The following MAN1C1 variants were observed in gnomAD, a reference collection of about 807,000 sequenced individuals.
MAN1C1 encodes mannosidase alpha class 1C member 1, also known as mannosyl-oligosaccharide 1,2-alpha-mannosidase IC.
MAN1C1 carries 49 observed loss-of-function variants against 71.5 expected under a neutral mutation model. That is an observed-to-expected ratio of 0.69 (90% CI 0.54 to 0.87). The LOEUF is 0.87. Ranked by LOEUF, MAN1C1 falls within the 40% of genes least tolerant of loss-of-function variation. The pLI is 0.00. For missense variants in MAN1C1, 743 were observed against 835.0 expected, an observed-to-expected ratio of 0.89 and a Z score of 1.36; for synonymous variants, 352 against 343.7, an observed-to-expected ratio of 1.02 and a Z score of -0.27.
chr1:25,722,543 A>T (rs1421290904), intron 2 of MAN1C1, among the ~76,000 whole-genome samples: 1 of 152,122 alleles, frequency 6.6e-6, no homozygotes, highest in African/African-American at 2.4e-5. Flanking sequence ...CAGACTGTGT[A>T]TTTATTTCCA....
intron 1 of MAN1C1, among the ~76,000 whole-genome samples, chr1:25,624,904 T>A (rs908023013): frequency 1.3e-5 from 2 of 152,178 alleles, no homozygotes; most frequent in Admixed American, 6.5e-5. Context: ...CCAATGTTTG[T>A]TCTTTGTGAT....
intron 6 of MAN1C1, chr1:25,760,344 AT>A (rs1302537445): frequency 6.6e-6 from 1 of 152,200 alleles, no homozygotes; most frequent in Non-Finnish European, 1.5e-5. Flanking sequence ...CAAGCCCAGG[AT>A]GTGCTGGCTC....
Position 25,779,075 on chromosome 1 carries a change from C to T in MAN1C1, c.1477+751C>T, listed in dbSNP as rs1005482007. On this transcript the variant is annotated intron_variant, in intron 9 of 11. Transcript: ENST00000374332. This position sits in a 1 kb window ranked among gnomAD's most constrained non-coding sequence, Gnocchi z 4.6. ...CGCAAACTGCACCCCTCAGAAAAAT[C>T]CCCAGCCCCCGTGTGGTCCCAGGAG... Among the ~76,000 whole-genome samples the T allele has an allele frequency of 1.5e-4, 23 of 152,186 alleles. No homozygotes were observed. Among genetic ancestry groups the T allele is most frequent in the African/African-American group, 5.5e-4 (23 of 41,450 alleles).
At chr1:25,667,800 C>T (rs2045944673) in intron 1 of MAN1C1, among the ~76,000 whole-genome samples, 1 of 152,158 alleles carries the variant, frequency 6.6e-6, no homozygotes, top group Non-Finnish European at 1.5e-5. Context: ...GAAAACACCA[C>T]CAGCCCCTAT....
rs922090512 is a variant in MAN1C1, at chr1:25,749,185, G to A, written c.754-70G>A. On this transcript the variant is annotated intron_variant, in intron 3 of 11. Transcript: ENST00000374332. ...GTATGGGAGGAATATCAGTGGCCAGGGTGACCTGTCTCAAGGGCCTGCATC... is the reference window on the plus strand; with the variant it reads ...GTATGGGAGGAATATCAGTGGCCAGAGTGACCTGTCTCAAGGGCCTGCATC... 5.4e-6 allele frequency: 7 copies of A among 1,302,632 alleles called. No homozygotes were observed. In the African/African-American group the frequency reaches 7.3e-5, roughly 14 times the overall value. The allele number at this position is 1,302,632 out of a possible 1,614,324, so 80.7% of individuals were successfully genotyped here. A position where few individuals can be genotyped will look rare whatever the true frequency, so the allele number is the denominator to read the frequency against.
At chr1:25,738,659 A>G (rs12069061) in intron 2 of MAN1C1, among the ~76,000 whole-genome samples, 5,756 of 152,198 alleles carry the variant, frequency 0.038, 348 homozygotes, top group African/African-American at 0.13. Flanking sequence ...TATTATCTGG[A>G]AGCTTTTTGA....
chr1:25,716,869 A>G (rs1473549651), intron 2 of MAN1C1, among the ~76,000 whole-genome samples: 1 of 152,116 alleles, frequency 6.6e-6, no homozygotes, highest in Non-Finnish European at 1.5e-5. Flanking sequence ...GCAATCACCA[A>G]TCTGCTGTCA....
At chr1:25,635,700 C>T (rs1182883802) in intron 1 of MAN1C1, among the ~76,000 whole-genome samples, 2 of 152,142 alleles carry the variant, frequency 1.3e-5, no homozygotes, top group East Asian at 1.9e-4. Context: ...CCACCCACCT[C>T]GGCCTCCCAA....
intron 2 of MAN1C1, among the ~76,000 whole-genome samples, chr1:25,721,675 G>A (rs991018902): frequency 9.9e-5 from 15 of 152,158 alleles, no homozygotes; most frequent in Non-Finnish European, 1.8e-4. Context: ...AGTAGATTCC[G>A]TAGGATTTTT....
Position 25,773,665 on chromosome 1 carries a change from C to T in MAN1C1, c.1257+1893C>T, listed in dbSNP as rs2047583012. On this transcript the variant is annotated intron_variant, in intron 8 of 11. Coordinates refer to ENST00000374332, the MANE Select transcript of MAN1C1 (RefSeq NM_020379.4). ...TAAAGTTAATGAGCAGCCAGGCTCC[C>T]TGCCCTCAGGGCACACAGTAGTTGA... 2.0e-5 allele frequency among the ~76,000 whole-genome samples: 3 copies of T among 152,330 alleles called. No homozygotes were observed. In the South Asian group the frequency reaches 6.2e-4, roughly 32 times the overall value.
intron 2 of MAN1C1, among the ~76,000 whole-genome samples, chr1:25,721,137 G>T (rs2046759804): frequency 1.3e-5 from 2 of 151,996 alleles, no homozygotes; most frequent in Admixed American, 1.3e-4. Context: ...GGCCTATTCT[G>T]GGTCCCTTAT....
At chr1:25,676,048 C>A (rs1206823852) in intron 1 of MAN1C1, among the ~76,000 whole-genome samples, 1 of 152,142 alleles carries the variant, frequency 6.6e-6, no homozygotes, top group African/African-American at 2.4e-5. Flanking sequence ...TTCTGACGTG[C>A]CCCCTGGGTG....
intron 8 of MAN1C1, among the ~76,000 whole-genome samples, chr1:25,773,554 C>A (rs1227362936): frequency 2.0e-5 from 3 of 152,216 alleles, no homozygotes; most frequent in African/African-American, 7.2e-5. Flanking sequence ...CAGACCAGAG[C>A]CCCGGTCAGA....
intron 8 of MAN1C1, among the ~76,000 whole-genome samples, chr1:25,772,671 G>A (rs1319297528): frequency 6.6e-6 from 1 of 152,130 alleles, no homozygotes; most frequent in African/African-American, 2.4e-5. Flanking sequence ...GCTGTGTGGG[G>A]AACAGAAGCC....
At chr1:25,623,178 C>T (rs3767919) in intron 1 of MAN1C1, among the ~76,000 whole-genome samples, 13,203 of 152,206 alleles carry the variant, frequency 0.087, 1,269 homozygotes, top group East Asian at 0.21. Context: ...CTTACATCCT[C>T]AGCCCAGCCA....
Position 25,778,282 on chromosome 1 carries a change from G to A in MAN1C1, c.1435G>A (p.Ala479Thr), listed in dbSNP as rs150964664. 61 of 1,613,890 alleles carry A rather than the reference G, an allele frequency of 3.8e-5. No homozygotes were observed. The East Asian group carries it at 1.2e-3, about 32-fold the overall frequency. Residue 479 changes from alanine to threonine, a missense_variant, in exon 9 of 12, where the codon GCC becomes ACC. Physicochemically the swap from Ala to Thr is moderately conservative, Grantham distance 58 (BLOSUM62 0). Coordinates refer to ENST00000374332, the MANE Select transcript of MAN1C1 (RefSeq NM_020379.4). This position sits in a 1 kb window ranked among gnomAD's most constrained non-coding sequence, Gnocchi z 5.5. ...GAGGGCCCACTACCGAGAGCTCGCA[G>A]CCCAGATCACCAAGACGTGTCACGA... is the stretch of plus-strand genomic sequence containing the variant. ...EKRAHYRELA[A>T]QITKTCHESY...
At chr1:25,777,307 G>A (rs995682345) in intron 8 of MAN1C1, among the ~76,000 whole-genome samples, 1 of 152,204 alleles carries the variant, frequency 6.6e-6, no homozygotes, top group African/African-American at 2.4e-5. Flanking sequence ...CCTCGAGACT[G>A]TGTGAGCAGC....
intron 2 of MAN1C1, among the ~76,000 whole-genome samples, chr1:25,724,993 T>G (rs910019514): frequency 5.9e-5 from 9 of 152,232 alleles, no homozygotes; most frequent in Non-Finnish European, 1.2e-4. Flanking sequence ...TTTCTTGCTC[T>G]CACCTCTTTT....
Position 25,781,236 on chromosome 1 carries a change from G to T in MAN1C1, c.1650+124G>T, listed in dbSNP as rs192237937. On this transcript the variant is annotated intron_variant, in intron 10 of 11. Transcript: ENST00000374332. ...CAAGCCACGTTGACCTCTGACCACA[G>T]TTCAGAGTGCAAAGGGTCAAGGTGG... 233 of 1,028,172 alleles carry T rather than the reference G, an allele frequency of 2.3e-4. 1 individual carries two copies. In the African/African-American group the frequency reaches 3.5e-3, roughly 15 times the overall value. 63.7% of individuals were successfully genotyped at this position (1,028,172 alleles called of 1,614,324 possible). A position where few individuals can be genotyped will look rare whatever the true frequency, so the allele number is the denominator to read the frequency against.
Sources: gnomAD v4.1 joint callset for allele counts (sites outside exome capture counted in the v4.1 genomes callset) on GRCh38, gnomAD v4.1.1 for gene constraint, Gnocchi (gnomAD v3.1) non-coding constraint, MANE v1.5 for transcripts, NCBI Gene and HGNC (gene_info 2026-07-23, HGNC 2026-07-21) for gene names.